LARP4B: variants seen among roughly 807,000 people sequenced by gnomAD.
LARP4B encodes la-related protein 4B.
LARP4B carries 12 observed loss-of-function variants against 89.8 expected under a neutral mutation model. The ratio of observed to expected loss-of-function variants is 0.13; its 90% CI spans 0.09 to 0.22. The LOEUF (loss-of-function observed/expected upper bound fraction) is 0.22. LARP4B is among the 10% of genes least tolerant of loss of function. The pLI is 1.00. For synonymous variants in LARP4B, 367 were observed against 363.3 expected, an observed-to-expected ratio of 1.01 and a Z score of -0.12; for missense variants, 757 against 947.7, an observed-to-expected ratio of 0.80 and a Z score of 2.64.
rs1831706734 is a variant in LARP4B, at chr10:810,547, G to T, written c.*2379C>A. ...TTCGGTCGACAAAGTGAAGGACTAA[G>T]CTGGCTCTAACCACACACACACACT... On this transcript the variant is annotated 3_prime_UTR_variant, in exon 18 of 18. Transcript: ENST00000316157. 1 of 152,250 alleles carries T rather than the reference G, an allele frequency of 6.6e-6. No homozygotes were observed. Among genetic ancestry groups the T allele is most frequent in the African/African-American group, 2.4e-5 (1 of 41,456 alleles). The allele number at this position is 152,250 out of a possible 1,614,324, so 9.4% of individuals were successfully genotyped here. A position where few individuals can be genotyped will look rare whatever the true frequency, so the allele number is the denominator to read the frequency against.
At chr10:884,040 A>G (rs916119890) in intron 3 of LARP4B, among the ~76,000 whole-genome samples, 3 of 152,258 alleles carry the variant, frequency 2.0e-5, no homozygotes, top group Admixed American at 2.0e-4. Context: ...TCTTTCATTA[A>G]TCACAGCTAA....
chr10:965,213 G>A, the LARP4B span, among the ~76,000 whole-genome samples: 1 of 152,236 alleles, frequency 6.6e-6, no homozygotes, highest in African/African-American at 2.4e-5. Flanking sequence ...GTGGGGCAAG[G>A]CCGGGCTGAG....
the LARP4B span, among the ~76,000 whole-genome samples, chr10:979,811 CAT>C: frequency 6.6e-6 from 1 of 151,882 alleles, no homozygotes; most frequent in Admixed American, 6.6e-5. Context: ...CTCTACTAAA[CAT>C]ACAAAAAATT....
At chr10:973,163 C>T in the LARP4B span, among the ~76,000 whole-genome samples, 1 of 152,088 alleles carries the variant, frequency 6.6e-6, no homozygotes, top group Non-Finnish European at 1.5e-5. Flanking sequence ...GTCCCACCTG[C>T]CAAAGCCCTG....
rs148817907 is a variant in LARP4B at position 924,051 on chromosome 10, T to C, written c.-40+7377A>G. Among the ~76,000 whole-genome samples, 266 of 152,032 alleles carry C rather than the reference T, an allele frequency of 1.7e-3. 1 individual carries two copies. Among genetic ancestry groups the C allele is most frequent in the African/African-American group, 6.1e-3 (252 of 41,440 alleles). On this transcript the variant is annotated intron_variant, in intron 1 of 17. Transcript: ENST00000316157. Reference sequence around the variant, plus strand: ...GAATTCGAGACCAGACTGGGCAACATAGTGAGACCCGCCACCTCTACAAAA... The same window carrying C: ...GAATTCGAGACCAGACTGGGCAACACAGTGAGACCCGCCACCTCTACAAAA...
chr10:929,957 G>T (rs1251212190), intron 1 of LARP4B, among the ~76,000 whole-genome samples: 1 of 151,928 alleles, frequency 6.6e-6, no homozygotes. Flanking sequence ...TTCTTATATG[G>T]TTTGATTACA....
intron 1 of LARP4B, among the ~76,000 whole-genome samples, chr10:900,977 T>C (rs554510425): frequency 7.0e-6 from 1 of 143,074 alleles, no homozygotes; most frequent in South Asian, 2.2e-4. Context: ...TGGAGTGCAA[T>C]GGCACAATCT....
intron 14 of LARP4B, chr10:818,778 C>G (rs1832192789): frequency 1.3e-5 from 2 of 152,206 alleles, no homozygotes; most frequent in African/African-American, 4.8e-5. Flanking sequence ...AAACAATGAG[C>G]TACTCTGACC....
intron 3 of LARP4B, among the ~76,000 whole-genome samples, chr10:865,828 A>G (rs1238829256): frequency 1.3e-5 from 2 of 152,224 alleles, no homozygotes; most frequent in Non-Finnish European, 2.9e-5. Context: ...AAGCTTCTGG[A>G]GGAAGGGACA....
At chr10:970,102 A>G in the LARP4B span, among the ~76,000 whole-genome samples, 20 of 152,200 alleles carry the variant, frequency 1.3e-4, no homozygotes, top group Admixed American at 6.5e-5. Context: ...GTGTCGACAC[A>G]ATGCTGATGG....
chr10:812,992 G>C lies in LARP4B; in HGVS notation c.2151C>G (p.Pro717=). 1 of 1,587,400 alleles carries C rather than the reference G, an allele frequency of 6.3e-7. No individual in the cohort carries two copies. Among genetic ancestry groups the C allele is most frequent in the Non-Finnish European group, 8.5e-7 (1 of 1,173,492 alleles). Reference sequence around the variant, plus strand: ...GACGCTTCCCCATGGCCGAGGGCGAGGGCCGGCCCCCCGCCGGCCGCCTCT... The same window carrying C: ...GACGCTTCCCCATGGCCGAGGGCGACGGCCGGCCCCCCGCCGGCCGCCTCT... The part of the protein sequence containing the change: ...RDQRRPAGGR[P]SPSAMGKRLS... Residue 717 remains proline, a synonymous_variant, in exon 18 of 18, where the codon CCC becomes CCG. Coordinates refer to ENST00000316157, the MANE Select transcript of LARP4B (RefSeq NM_015155.3).
At chr10:859,276 C>CAAAAAAAAAAAAAAAAA (rs56896752) in intron 5 of LARP4B, among the ~76,000 whole-genome samples, 1 of 141,472 alleles carries the variant, frequency 7.1e-6, no homozygotes, top group Non-Finnish European at 1.5e-5. Context: ...TATTCCATTT[C>CAAAAAAAAAAAAAAAAA]AAAAAAAAAA....
At chr10:917,834 T>C (rs549769463) in intron 1 of LARP4B, among the ~76,000 whole-genome samples, 1 of 152,350 alleles carries the variant, frequency 6.6e-6, no homozygotes, top group African/African-American at 2.4e-5. Flanking sequence ...TTGCATTTTA[T>C]GCAAATAATC....
intron 3 of LARP4B, among the ~76,000 whole-genome samples, chr10:882,200 A>G (rs894911765): frequency 2.0e-5 from 3 of 152,098 alleles, no homozygotes; most frequent in Non-Finnish European, 4.4e-5. Context: ...AAATAATTCA[A>G]TTGCATACTT....
chr10:878,296 A>G (rs1042983081), intron 3 of LARP4B, among the ~76,000 whole-genome samples: 3 of 152,160 alleles, frequency 2.0e-5, no homozygotes, highest in Non-Finnish European at 4.4e-5. Flanking sequence ...CCACTGTGTT[A>G]GAAAGGAAGG....
intron 1 of LARP4B, among the ~76,000 whole-genome samples, chr10:906,025 G>A (rs1448841754): frequency 6.6e-6 from 1 of 152,148 alleles, no homozygotes; most frequent in Non-Finnish European, 1.5e-5. Flanking sequence ...AATCAAATGG[G>A]CAATCATAAA....
intron 1 of LARP4B, among the ~76,000 whole-genome samples, chr10:902,789 T>C (rs1836380467): frequency 6.6e-6 from 1 of 152,190 alleles, no homozygotes; most frequent in Admixed American, 6.5e-5. Context: ...GGATTGCAGG[T>C]GTGCACCACC....
At chr10:924,914 T>C (rs948737564) in intron 1 of LARP4B, among the ~76,000 whole-genome samples, 1 of 152,240 alleles carries the variant, frequency 6.6e-6, no homozygotes, top group Non-Finnish European at 1.5e-5. Flanking sequence ...TACCAGATAT[T>C]GTTCTAAGGC....
chr10:965,127 T>G, the LARP4B span, among the ~76,000 whole-genome samples: 1 of 152,180 alleles, frequency 6.6e-6, no homozygotes. Context: ...CTGCCTGTGG[T>G]CCACACAGTG....
Sources: allele counts gnomAD v4.1 joint callset (sites outside exome capture counted in the v4.1 genomes callset), GRCh38; gene constraint gnomAD v4.1.1; transcripts MANE v1.5; gene names NCBI Gene and HGNC (gene_info 2026-07-23, HGNC 2026-07-21).